Variants in ALK observed in about 807,000 individuals in gnomAD.
The protein encoded by ALK is ALK tyrosine kinase receptor.
In ALK, 74 loss-of-function variants were observed where a neutral mutation model predicts 163.1. That is an observed-to-expected ratio of 0.45 (90% CI 0.38 to 0.55). The LOEUF (loss-of-function observed/expected upper bound fraction) is 0.55, where lower values mean the gene tolerates loss of function less well. Ranked by LOEUF, ALK falls within the 20% of genes least tolerant of loss-of-function variation. The pLI is 0.00. For synonymous variants in ALK, 960 were observed against 843.2 expected, an observed-to-expected ratio of 1.14 and a Z score of -2.40; for missense variants, 2,063 against 2,105.3, an observed-to-expected ratio of 0.98 and a Z score of 0.39.
At chr2:29,709,998 A>G (rs1679025491) in intron 2 of ALK, among the ~76,000 whole-genome samples, 1 of 152,156 alleles carries the variant, frequency 6.6e-6, no homozygotes, top group Admixed American at 6.6e-5. Flanking sequence ...CTTGAACTGT[A>G]GCTCTCATAA....
At chr2:29,901,306 C>G (rs1667410712) in intron 1 of ALK, among the ~76,000 whole-genome samples, 1 of 152,202 alleles carries the variant, frequency 6.6e-6, no homozygotes, top group African/African-American at 2.4e-5. Context: ...TCTCTCCAAT[C>G]CCCCTTCTCA....
In ALK at chr2:29,227,632, C is replaced by T. The variant is rs1323611569; in HGVS notation, c.2856G>A (p.Gly952=). 2.5e-6 allele frequency: 4 copies of T among 1,613,940 alleles called. No individual in the cohort carries two copies. The African/African-American group carries it at 4.0e-5, about 16-fold the overall frequency. The change falls in exon 17 of 29, where the codon GGG becomes GGA. Residue 952 remains glycine (G), a synonymous_variant. Transcript: ENST00000389048. The surrounding 1 kb of genome is among the most constrained non-coding windows in gnomAD (Gnocchi z 4.4). ...AASNNDPEMD[G]EDGVSFISPL... is the part of the protein sequence containing the mutation. ...GACTGATGAAGGAAACCCCATCTTC[C>T]CCATCCATTTCGGGGTCATTGTTTG... is the stretch of plus-strand genomic sequence containing the variant.
intron 5 of ALK, among the ~76,000 whole-genome samples, chr2:29,372,800 T>C (rs1453774680): frequency 6.6e-6 from 1 of 152,224 alleles, no homozygotes; most frequent in African/African-American, 2.4e-5. Flanking sequence ...TCACTCCTTA[T>C]GACCTCTAAT....
intron 8 of ALK, among the ~76,000 whole-genome samples, chr2:29,305,047 C>A (rs2148237711): frequency 6.6e-6 from 1 of 152,342 alleles, no homozygotes; most frequent in South Asian, 2.1e-4. Context: ...TTCTAAAGTG[C>A]AGCCTGGGTA....
Position 29,318,214 on chromosome 2 carries a change from A to G in ALK, c.1647+90T>C, listed in dbSNP as rs553343210. ...CTCTCCCCAGGAGAACGACCAGCCC[A>G]GCCAGCTAGGCTACTTTCTTAATCT... is the stretch of plus-strand genomic sequence containing the variant. On this transcript the variant is annotated intron_variant, in intron 8 of 28. Coordinates refer to ENST00000389048, the MANE Select transcript of ALK (RefSeq NM_004304.5). The G allele has an allele frequency of 3.0e-5, 33 of 1,104,358 alleles. No individual in the cohort carries two copies. In the Admixed American group the frequency reaches 5.3e-4, roughly 18 times the overall value. The allele number at this position is 1,104,358 out of a possible 1,614,324, so 68.4% of individuals were successfully genotyped here. A position where few individuals can be genotyped will look rare whatever the true frequency, so the allele number is the denominator to read the frequency against.
intron 12 of ALK, among the ~76,000 whole-genome samples, chr2:29,249,291 G>A (rs2148195797): frequency 6.6e-6 from 1 of 152,304 alleles, no homozygotes; most frequent in African/African-American, 2.4e-5. Context: ...GCTCCGCTGG[G>A]GGCTTACTGT....
intron 4 of ALK, among the ~76,000 whole-genome samples, chr2:29,464,807 T>C (rs764570268): frequency 7.2e-5 from 11 of 152,210 alleles, no homozygotes; most frequent in Non-Finnish European, 1.6e-4. Flanking sequence ...CCCAACAAAG[T>C]ATTAACTAGC....
intron 1 of ALK, among the ~76,000 whole-genome samples, chr2:29,760,522 G>A (rs1023742020): frequency 2.0e-5 from 3 of 152,196 alleles, no homozygotes; most frequent in Middle Eastern, 3.4e-3. Flanking sequence ...CCTCACTAAG[G>A]TCCACCCTTC....
chr2:29,201,115 A>G (rs1252868127), intron 26 of ALK, among the ~76,000 whole-genome samples: 1 of 151,870 alleles, frequency 6.6e-6, no homozygotes, highest in Non-Finnish European at 1.5e-5. Flanking sequence ...ATTGTGGAAG[A>G]TGGTCTCCAG....
intron 4 of ALK, among the ~76,000 whole-genome samples, chr2:29,518,137 G>A (rs1672719966): frequency 6.6e-6 from 1 of 152,150 alleles, no homozygotes; most frequent in African/African-American, 2.4e-5. Context: ...AGTCTCTCTG[G>A]CATGAACTCC....
At chr2:29,836,414 C>T (rs540001981) in intron 1 of ALK, among the ~76,000 whole-genome samples, 2 of 152,240 alleles carry the variant, frequency 1.3e-5, no homozygotes, top group Admixed American at 1.3e-4. Flanking sequence ...GACCGAGTCA[C>T]CATTTTGAAC....
At chr2:29,337,208 C>T (rs879478941) in intron 5 of ALK, among the ~76,000 whole-genome samples, 13 of 152,188 alleles carry the variant, frequency 8.5e-5, no homozygotes, top group Admixed American at 3.3e-4. Flanking sequence ...GGCTTTGGGC[C>T]TCCTCAGTTG....
chr2:29,684,249 G>A (rs1678172566), intron 3 of ALK, among the ~76,000 whole-genome samples: 3 of 152,072 alleles, frequency 2.0e-5, no homozygotes, highest in Non-Finnish European at 2.9e-5. Flanking sequence ...ATTAATAAAA[G>A]CTTCTTAATA....
intron 3 of ALK, among the ~76,000 whole-genome samples, chr2:29,667,621 G>A (rs1313207590): frequency 6.6e-6 from 1 of 151,872 alleles, no homozygotes; most frequent in Non-Finnish European, 1.5e-5. Flanking sequence ...AACCATCCTT[G>A]CATCCCTGGG....
At chr2:29,409,434 C>A (rs375305443) in intron 4 of ALK, among the ~76,000 whole-genome samples, 12 of 152,274 alleles carry the variant, frequency 7.9e-5, no homozygotes, top group Admixed American at 4.6e-4. Context: ...CTCACGGGAC[C>A]ATTGGCACTG....
At chr2:29,518,015 G>C (rs1672716813) in intron 4 of ALK, among the ~76,000 whole-genome samples, 1 of 152,152 alleles carries the variant, frequency 6.6e-6, no homozygotes, top group Non-Finnish European at 1.5e-5. Flanking sequence ...CCTAGTTCAA[G>C]CCCTCCCTGG....
intron 1 of ALK, among the ~76,000 whole-genome samples, chr2:29,741,268 A>T (rs1046533524): frequency 2.6e-5 from 4 of 152,168 alleles, no homozygotes; most frequent in Admixed American, 2.0e-4. Flanking sequence ...TGATACTATA[A>T]CGGTGAGTGC....
intron 1 of ALK, among the ~76,000 whole-genome samples, chr2:29,774,838 C>G (rs6720751): frequency 0.048 from 7,294 of 152,140 alleles, 401 homozygotes; most frequent in African/African-American, 0.13. Flanking sequence ...GATGACGTAA[C>G]TACTTCCAAG....
chr2:29,804,911 C>T (rs538550945), intron 1 of ALK, among the ~76,000 whole-genome samples: 43 of 152,216 alleles, frequency 2.8e-4, no homozygotes, highest in African/African-American at 7.2e-4. Context: ...TGTTATGGTG[C>T]GTTGATTGTC....
Sources: gnomAD v4.1 joint callset for allele counts (sites outside exome capture counted in the v4.1 genomes callset) on GRCh38, gnomAD v4.1.1 for gene constraint, Gnocchi (gnomAD v3.1) non-coding constraint, MANE v1.5 for transcripts, NCBI Gene and HGNC (gene_info 2026-07-23, HGNC 2026-07-21) for gene names.